CCNA2: variants seen among roughly 807,000 people sequenced by gnomAD.
CCNA2 encodes the protein cyclin A2.
CCNA2 carries 3 observed loss-of-function variants against 49.4 expected under a neutral mutation model. The observed-to-expected ratio is 0.06, with a 90% CI of 0.03 to 0.16. The LOEUF (loss-of-function observed/expected upper bound fraction) is 0.16. Among genes scored for constraint, CCNA2 ranks in the 10% least tolerant of loss-of-function variants. CCNA2 has a pLI of 1.00. For synonymous variants in CCNA2, 206 were observed against 197.2 expected, an observed-to-expected ratio of 1.04 and a Z score of -0.37; for missense variants, 372 against 519.7, an observed-to-expected ratio of 0.72 and a Z score of 2.76.
Position 121,817,639 on chromosome 4 carries a change from T to G in CCNA2, c.1298A>C (p.Ter433SerextTer2). 1 of 1,614,022 alleles carries G rather than the reference T, an allele frequency of 6.2e-7. No homozygotes were observed. The highest frequency in any genetic ancestry group is 2.2e-5 in the East Asian group (1 of 44,862). The change falls in exon 8 of 8, where the codon TAA (stop) becomes TCA (serine). Residue 433 changes from the stop codon to serine (S), a stop_lost. Transcript: ENST00000274026. The part of the protein sequence containing the change: ...LLNPPETLNL[*>S] The stretch of plus-strand genomic sequence containing the variant: ...GAAAACAAAGGCAGTCTTTCATTGT[T>G]ACAGATTTAGTGTCTCTGGTGGGTT...
chr4:121,816,597 AC>A lies in CCNA2; in HGVS notation c.*1040del, dbSNP rs1724523706. On this transcript the variant is annotated 3_prime_UTR_variant, in exon 8 of 8. Coordinates refer to ENST00000274026, the MANE Select transcript of CCNA2 (RefSeq NM_001237.5). Reference sequence around the variant, plus strand: ...GATCCATCTGTTCTGTGATTTTTTTACCTTGTGATTTATAAAAATTAGGACC... The same window carrying A: ...GATCCATCTGTTCTGTGATTTTTTTACTTGTGATTTATAAAAATTAGGACC... 1.2e-6 allele frequency: 1 copy of A among 819,576 alleles called. No individual in the cohort carries two copies. The highest frequency in any genetic ancestry group is 1.8e-5 in the African/African-American group (1 of 56,422). 50.8% of individuals were successfully genotyped at this position (819,576 alleles called of 1,614,324 possible). A position where few individuals can be genotyped will look rare whatever the true frequency, so the allele number is the denominator to read the frequency against.
rs142252401 is a variant in CCNA2, at chr4:121,820,467, T to C, written c.794+75A>G. 27 of 1,047,444 alleles carry C rather than the reference T, an allele frequency of 2.6e-5. No individual in the cohort carries two copies. In the East Asian group the frequency reaches 5.8e-4, roughly 22 times the overall value. 64.9% of individuals were successfully genotyped at this position (1,047,444 alleles called of 1,614,324 possible). On this transcript the variant is annotated intron_variant, in intron 4 of 7. Coordinates refer to ENST00000274026, the MANE Select transcript of CCNA2 (RefSeq NM_001237.5). The surrounding 1 kb of genome is among the most constrained non-coding windows in gnomAD (Gnocchi z 4.1). The stretch of plus-strand genomic sequence containing the variant: ...ACTCTGCCTGGTGTATGTTAAAAGG[T>C]CACCATTAAAAAAATCAATTTCTTC...
intron 7 of CCNA2, 104 bp downstream of exon 7, chr4:121,817,940 C>T (rs1724587937): frequency 1.7e-6 from 2 of 1,196,184 alleles, no homozygotes; most frequent in Non-Finnish European, 2.4e-6. Context: ...TAGAGAACAG[C>T]TTCTCAAGGA....
chr4:121,816,589 A>G lies in CCNA2; in HGVS notation c.*1049T>C. 1 of 821,226 alleles carries G rather than the reference A, an allele frequency of 1.2e-6. No homozygotes were observed. The highest frequency in any genetic ancestry group is 2.2e-5 in the South Asian group (1 of 44,920). 50.9% of individuals were successfully genotyped at this position (821,226 alleles called of 1,614,324 possible). The stretch of plus-strand genomic sequence containing the variant: ...TCATTAGAGATCCATCTGTTCTGTG[A>G]TTTTTTTACCTTGTGATTTATAAAA... On this transcript the variant is annotated 3_prime_UTR_variant, in exon 8 of 8. Coordinates refer to ENST00000274026, the MANE Select transcript of CCNA2 (RefSeq NM_001237.5).
rs571745836 is a variant in CCNA2 at position 121,823,596 on chromosome 4, G to A, written c.33C>T (p.Thr11=). Residue 11 remains threonine (T), a synonymous_variant, in exon 1 of 8, where the codon ACC becomes ACT. Transcript: ENST00000274026. Reference sequence around the variant, plus strand: ...CTAGCAGCGCCGAGCCCGCCTCGCGGGTCGCAGGCCCCGGCGCAGAGTTGC... The same window carrying A: ...CTAGCAGCGCCGAGCCCGCCTCGCGAGTCGCAGGCCCCGGCGCAGAGTTGC... The part of the protein sequence containing the change: MLGNSAPGPA[T]REAGSALLAL... 34 of 1,603,790 alleles carry A rather than the reference G, an allele frequency of 2.1e-5. No individual in the cohort carries two copies. The South Asian group carries it at 3.7e-4, about 17-fold the overall frequency.
rs1389669473 is a variant in CCNA2, at chr4:121,823,491, G to A, written c.138C>T (p.Thr46=). Residue 46 remains threonine (T), a synonymous_variant, in exon 1 of 8, where the codon ACC becomes ACT. Transcript: ENST00000274026. The stretch of plus-strand genomic sequence containing the variant: ...ACTTCAGTACCGCCAGCGCGGCCCG[G>A]GTCCGCGGTTGTTGGACGGGCGCTG... ...EKAAPVQQPR[T]RAALAVLKSG... is the part of the protein sequence containing the mutation. 21 of 1,613,462 alleles carry A rather than the reference G, an allele frequency of 1.3e-5. No individual in the cohort carries two copies. The highest frequency in any genetic ancestry group is 3.3e-4 in the Middle Eastern group (2 of 6,062).
rs996624154 is a variant in CCNA2 at position 121,820,240 on chromosome 4, C to T, written c.794+302G>A. The stretch of plus-strand genomic sequence containing the variant: ...ACAGGCGCGAGCCACCGCACCCAGC[C>T]TTTACTTCTTAATAAAAGAGACACT... On this transcript the variant is annotated intron_variant, in intron 4 of 7. Transcript: ENST00000274026. This position sits in a 1 kb window ranked among gnomAD's most constrained non-coding sequence, Gnocchi z 4.1. 6.6e-6 allele frequency among the ~76,000 whole-genome samples: 1 copy of T among 152,100 alleles called. No homozygotes were observed. Among genetic ancestry groups the T allele is most frequent in the Non-Finnish European group, 1.5e-5 (1 of 67,998 alleles).
At position 121,820,799 on chromosome 4, in the gene CCNA2, T is replaced by A; in HGVS notation, c.571-34A>T. ...AAAATTATTTATAGTGTTAAAATTA[T>A]TCTAGTGTAAAAACTGCAATTAGAT... On this transcript the variant is annotated intron_variant, in intron 3 of 7. Transcript: ENST00000274026. This position sits in a 1 kb window ranked among gnomAD's most constrained non-coding sequence, Gnocchi z 4.1. The A allele has an allele frequency of 6.8e-7, 1 of 1,476,206 alleles. No homozygotes were observed. The highest frequency in any genetic ancestry group is 9.4e-7 in the Non-Finnish European group (1 of 1,065,902). 91.4% of individuals were successfully genotyped at this position (1,476,206 alleles called of 1,614,324 possible). A position where few individuals can be genotyped will look rare whatever the true frequency, so the allele number is the denominator to read the frequency against.
chr4:121,823,551 G>C lies in CCNA2; in HGVS notation c.78C>G (p.Leu26=), dbSNP rs368392641. 24 of 1,611,768 alleles carry C rather than the reference G, an allele frequency of 1.5e-5. No homozygotes were observed. The highest frequency in any genetic ancestry group is 2.2e-5 in the South Asian group (2 of 90,670). Residue 26 remains leucine (L), a synonymous_variant, in exon 1 of 8, where the codon CTC becomes CTG. Coordinates refer to ENST00000274026, the MANE Select transcript of CCNA2 (RefSeq NM_001237.5). ...GGTTGATATTCTCCTGGTCCTCTTG[G>C]AGCGCCGTCTGCTGCAATGCTAGCA... The part of the protein sequence containing the change: ...SALLALQQTA[L]QEDQENINPE...
At chr4:121,822,793 G>T in intron 1 of CCNA2, 147 bp from the exon 2 acceptor site, 1 of 812,606 alleles carries the variant, frequency 1.2e-6, no homozygotes, top group Non-Finnish European at 1.9e-6. Context: ...AAAAGAGAAG[G>T]GATGTTCCCA....
rs1408846290 is a variant in CCNA2 at position 121,819,420 on chromosome 4, G to A, written c.954C>T (p.Tyr318=). ...APTVNQFLTQ[Y]FLHQQPANCK... is the part of the protein sequence containing the mutation. ...AGTTTGCAGGCTGCTGATGCAGAAA[G>A]TATTGGGTAAGAAACTGATTTACTG... Residue 318 remains tyrosine, a synonymous_variant, in exon 5 of 8, where the codon TAC becomes TAT. Coordinates refer to ENST00000274026, the MANE Select transcript of CCNA2 (RefSeq NM_001237.5). The A allele has an allele frequency of 3.1e-6, 5 of 1,614,092 alleles. No individual in the cohort carries two copies. Among genetic ancestry groups the A allele is most frequent in the Non-Finnish European group, 3.4e-6 (4 of 1,180,000 alleles).
Position 121,820,214 on chromosome 4 carries a change from T to TACAGGCGCGAGCC in CCNA2, c.794+315_794+327dup, listed in dbSNP as rs1337237506. On this transcript the variant is annotated intron_variant, in intron 4 of 7. Transcript: ENST00000274026. The surrounding 1 kb of genome is among the most constrained non-coding windows in gnomAD (Gnocchi z 4.1). ...CCTCGGCCTCCCAAAGTGCTGGGAT[T>TACAGGCGCGAGCC]ACAGGCGCGAGCCACCGCACCCAGC... Among the ~76,000 whole-genome samples, 7 of 152,168 alleles carry TACAGGCGCGAGCC rather than the reference T, an allele frequency of 4.6e-5. No individual in the cohort carries two copies. Among genetic ancestry groups the TACAGGCGCGAGCC allele is most frequent in the Non-Finnish European group, 7.3e-5 (5 of 68,028 alleles).
rs1578510590 is a variant in CCNA2, at chr4:121,816,972, AAT to A, written c.*664_*665del. The stretch of plus-strand genomic sequence containing the variant: ...TTATAAAATCTAGCAGGATTTTAAA[AAT>A]AGTTTTTTGTTTTTAATGTGCTTTA... On this transcript the variant is annotated 3_prime_UTR_variant, in exon 8 of 8. Transcript: ENST00000274026. The A allele has an allele frequency of 4.5e-6, 5 of 1,111,028 alleles. No homozygotes were observed. The highest frequency in any genetic ancestry group is 2.1e-5 in the South Asian group (1 of 47,774). 68.8% of individuals were successfully genotyped at this position (1,111,028 alleles called of 1,614,324 possible).
At chr4:121,818,713 A>C in intron 6 of CCNA2, 87 bp downstream of exon 6, 3 of 851,312 alleles carry the variant, frequency 3.5e-6, no homozygotes, top group Non-Finnish European at 5.9e-6. Context: ...ACATCTAGGC[A>C]ACCCTCAGTT....
At chr4:121,823,224 T>C (rs1389442894) in intron 1 of CCNA2, among the ~76,000 whole-genome samples, 192 bp downstream of exon 1, 1 of 152,112 alleles carries the variant, frequency 6.6e-6, no homozygotes, top group Non-Finnish European at 1.5e-5. Flanking sequence ...ACACACAGTG[T>C]TGGCGGGGTC....
At position 121,816,999 on chromosome 4, in the gene CCNA2, A is replaced by AAAAT. The variant is rs1321050554; in HGVS notation, c.*635_*638dup. On this transcript the variant is annotated 3_prime_UTR_variant, in exon 8 of 8. Transcript: ENST00000274026. ...TAGTTTTTTGTTTTTAATGTGCTTT[A>AAAAT]AAATAATAAACCTTCTGGAGCATTT... is the stretch of plus-strand genomic sequence containing the variant. 3.7e-6 allele frequency: 3 copies of AAAAT among 812,832 alleles called. No individual in the cohort carries two copies. The highest frequency in any genetic ancestry group is 3.0e-5 in the East Asian group (1 of 33,818). The allele number at this position is 812,832 out of a possible 1,614,324, so 50.4% of individuals were successfully genotyped here. A position where few individuals can be genotyped will look rare whatever the true frequency, so the allele number is the denominator to read the frequency against.
In CCNA2 at chr4:121,821,035, C is replaced by T. The variant is rs1470817190; in HGVS notation, c.514G>A (p.Val172Ile). The T allele has an allele frequency of 7.4e-6, 12 of 1,613,226 alleles. No individual in the cohort carries two copies. Among genetic ancestry groups the T allele is most frequent in the Admixed American group, 5.0e-5 (3 of 60,018 alleles). The change falls in exon 3 of 8, where the codon GTT (valine) becomes ATT (isoleucine). Residue 172 changes from valine to isoleucine, a missense_variant. Physicochemically the swap from Val to Ile is conservative, Grantham distance 29 (BLOSUM62 3). This residue lies in a region of CCNA2 where 217 missense variants were observed against 231.7 expected (regional missense o/e 0.94). Transcript: ENST00000274026. The part of the protein sequence containing the change: ...IILEDEKPVS[V>I]NEVPDYHEDI... ...TCATGGTAGTCTGGTACTTCATTAA[C>T]ACTCACTGGCTTTTCATCTTCTAAT...
intron 6 of CCNA2, among the ~76,000 whole-genome samples, chr4:121,818,596 A>T (rs1724610061): frequency 6.6e-6 from 1 of 152,206 alleles, no homozygotes; most frequent in African/African-American, 2.4e-5. Context: ...CTGTAGTTTC[A>T]GTCCACATTT....
At chr4:121,817,868 T>C (rs957057747) in intron 7 of CCNA2, among the ~76,000 whole-genome samples, 176 bp downstream of exon 7, 1 of 152,178 alleles carries the variant, frequency 6.6e-6, no homozygotes, top group Non-Finnish European at 1.5e-5. Flanking sequence ...TCCTTCTCTC[T>C]TCTCCCCCAG....
Sources: allele counts gnomAD v4.1 joint callset (sites outside exome capture counted in the v4.1 genomes callset), GRCh38; gene constraint gnomAD v4.1.1; regional missense constraint gnomAD v4.1.1; non-coding constraint Gnocchi (gnomAD v3.1); transcripts MANE v1.5; gene names NCBI Gene and HGNC (gene_info 2026-07-23, HGNC 2026-07-21).